Variants in PPIL6 observed in about 807,000 individuals in gnomAD.
PPIL6 encodes the protein peptidylprolyl isomerase like 6.
PPIL6 carries 39 observed loss-of-function variants against 36.8 expected under a neutral mutation model. That is an observed-to-expected ratio of 1.06 (90% CI 0.82 to 1.38). The LOEUF (loss-of-function observed/expected upper bound fraction) is 1.38, where lower values mean the gene tolerates loss of function less well. Among genes scored for constraint, PPIL6 ranks in the 40% most tolerant of loss-of-function variants. The probability of loss-of-function intolerance (pLI) is 0.00; values close to 1 mark genes in which losing one functional copy is unlikely to be tolerated. For synonymous variants in PPIL6, 123 were observed against 134.1 expected, an observed-to-expected ratio of 0.92 and a Z score of 0.57; for missense variants, 368 against 379.1, an observed-to-expected ratio of 0.97 and a Z score of 0.24.
At chr6:109,431,066 T>C in intron 3 of PPIL6, 91 bp downstream of exon 3, 1 of 905,628 alleles carries the variant, frequency 1.1e-6, no homozygotes, top group Non-Finnish European at 1.7e-6. Context: ...TTTTTTATAA[T>C]CTCCTTCATT....
chr6:109,430,618 C>G (rs528258913), intron 3 of PPIL6, among the ~76,000 whole-genome samples: 1 of 152,050 alleles, frequency 6.6e-6, no homozygotes, highest in Non-Finnish European at 1.5e-5. Context: ...GTAGAGATGA[C>G]GTTTCACCGT....
In PPIL6 at chr6:109,391,356, T is replaced by C. The variant is rs1772095292; in HGVS notation, c.*1470A>G. 7.6e-6 allele frequency: 1 copy of C among 130,736 alleles called. No homozygotes were observed. The highest frequency in any genetic ancestry group is 2.5e-4 in the South Asian group (1 of 4,036). The allele number at this position is 130,736 out of a possible 1,614,324, so 8.1% of individuals were successfully genotyped here. On this transcript the variant is annotated 3_prime_UTR_variant, in exon 8 of 8. Transcript: ENST00000521072. Reference sequence around the variant, plus strand: ...GTCTGGGCAGAGCAGGGGCACAGGGTAGTGGTGGTAACAGGAGCTGAGCAA... The same window carrying C: ...GTCTGGGCAGAGCAGGGGCACAGGGCAGTGGTGGTAACAGGAGCTGAGCAA...
rs527468236 is a variant in PPIL6 at position 109,422,056 on chromosome 6, T to C, written c.632-2813A>G. Among the ~76,000 whole-genome samples, 16 of 152,106 alleles carry C rather than the reference T, an allele frequency of 1.1e-4. 1 individual carries two copies. In the South Asian group the frequency reaches 3.3e-3, roughly 32 times the overall value. On this transcript the variant is annotated intron_variant, in intron 5 of 7. Transcript: ENST00000521072. ...CACGCCCAGCTAATTTTTGTATTTTTAGTAGAGAGGGGGGTTTCACCATAT... is the reference window on the plus strand; with the variant it reads ...CACGCCCAGCTAATTTTTGTATTTTCAGTAGAGAGGGGGGTTTCACCATAT...
chr6:109,438,298 C>T (rs1774564982), intron 1 of PPIL6, among the ~76,000 whole-genome samples: 1 of 151,850 alleles, frequency 6.6e-6, no homozygotes, highest in Admixed American at 6.6e-5. Flanking sequence ...GAACTAGAGG[C>T]TGGGCATCAC....
chr6:109,392,775 G>T lies in PPIL6; in HGVS notation c.*51C>A. 9.3e-7 allele frequency: 1 copy of T among 1,078,436 alleles called. No individual in the cohort carries two copies. Among genetic ancestry groups the T allele is most frequent in the Non-Finnish European group, 1.4e-6 (1 of 725,648 alleles). The allele number at this position is 1,078,436 out of a possible 1,614,324, so 66.8% of individuals were successfully genotyped here. ...TACTTTTTAATTAAATCCACAAACA[G>T]CTGATCAGATACAAAGTAATAAATT... is the stretch of plus-strand genomic sequence containing the variant. On this transcript the variant is annotated 3_prime_UTR_variant, in exon 8 of 8. Coordinates refer to ENST00000521072, the MANE Select transcript of PPIL6 (RefSeq NM_173672.5).
At chr6:109,417,050 G>C (rs1452429418) in intron 6 of PPIL6, among the ~76,000 whole-genome samples, 1 of 151,648 alleles carries the variant, frequency 6.6e-6, no homozygotes, top group Admixed American at 6.6e-5. Flanking sequence ...TGCACCTGTA[G>C]TCCTAGTTAC....
At chr6:109,401,815 C>T (rs1019998868) in intron 6 of PPIL6, among the ~76,000 whole-genome samples, 7 of 36,930 alleles carry the variant, frequency 1.9e-4, no homozygotes, top group Admixed American at 9.0e-4. Flanking sequence ...AGCTGCGCCT[C>T]GGGTTCATGC....
At chr6:109,441,053 C>T (rs978619621), upstream of PPIL6, 3 of 1,530,000 alleles carry the variant, frequency 2.0e-6, no homozygotes, top group Admixed American at 3.4e-5. Flanking sequence ...CGCCGCCGGC[C>T]GCCCCCGTCC....
intron 6 of PPIL6, chr6:109,402,948 T>TAC: frequency 1.1e-6 from 1 of 875,584 alleles, no homozygotes; most frequent in Non-Finnish European, 1.7e-6. Flanking sequence ...TTTGCAGACA[T>TAC]AAAGTATTAC....
At position 109,391,599 on chromosome 6, in the gene PPIL6, G is replaced by A. The variant is rs1015939747; in HGVS notation, c.*1227C>T. The A allele has an allele frequency of 6.6e-6, 1 of 152,166 alleles. No homozygotes were observed. The highest frequency in any genetic ancestry group is 2.4e-5 in the African/African-American group (1 of 41,404). 9.4% of individuals were successfully genotyped at this position (152,166 alleles called of 1,614,324 possible). ...ACACAGAATCTCTGCCCCACGCCTG[G>A]GAACTCTGCCTCAGTAGGTCAAGGA... On this transcript the variant is annotated 3_prime_UTR_variant, in exon 8 of 8. Transcript: ENST00000521072.
At chr6:109,435,680 T>G (rs554661436) in intron 2 of PPIL6, among the ~76,000 whole-genome samples, 208 of 152,136 alleles carry the variant, frequency 1.4e-3, no homozygotes, top group Non-Finnish European at 2.7e-3. Flanking sequence ...ATCCCAGCAC[T>G]TTGGGAGGCC....
intron 7 of PPIL6, among the ~76,000 whole-genome samples, chr6:109,398,085 T>C (rs1772374774): frequency 6.6e-6 from 1 of 151,990 alleles, no homozygotes; most frequent in South Asian, 2.1e-4. Flanking sequence ...AGAGATGGGG[T>C]TTCACCATGT....
chr6:109,440,289 T>A (rs1308861807), intron 1 of PPIL6, 167 bp downstream of exon 1: 1 of 856,742 alleles, frequency 1.2e-6, no homozygotes, highest in South Asian at 1.4e-5. Flanking sequence ...TATACTCTCC[T>A]CCCGGTCCTC....
chr6:109,440,502 CCCA>C lies in PPIL6; in HGVS notation c.86_88del (p.Val29del). The C allele has an allele frequency of 6.5e-7, 1 of 1,534,062 alleles. No individual in the cohort carries two copies. The highest frequency in any genetic ancestry group is 8.8e-7 in the Non-Finnish European group (1 of 1,140,442). On this transcript the variant is annotated inframe_deletion, in exon 1 of 8. Transcript: ENST00000521072. ...CTGAAAGTTGGGGCAGCTGAAGAGC[CCCA>C]CCACCTTCACCTGCAGCGGCCGCTC...
At chr6:109,434,980 AG>A (rs1774366086) in intron 2 of PPIL6, among the ~76,000 whole-genome samples, 1 of 152,096 alleles carries the variant, frequency 6.6e-6, no homozygotes, top group Non-Finnish European at 1.5e-5. Flanking sequence ...GTATAGATAG[AG>A]GGGAGAATGC....
Position 109,400,042 on chromosome 6 carries a change from C to G in PPIL6, c.817G>C (p.Ala273Pro), listed in dbSNP as rs956910378. The G allele has an allele frequency of 2.5e-6, 4 of 1,610,402 alleles. No individual in the cohort carries two copies. The highest frequency in any genetic ancestry group is 3.4e-6 in the Non-Finnish European group (4 of 1,177,642). Residue 273 changes from alanine to proline, a missense_variant, in exon 7 of 8, where the codon GCT (alanine) becomes CCT (proline). By Grantham distance (27) the Ala-to-Pro change is conservative. Coordinates refer to ENST00000521072, the MANE Select transcript of PPIL6 (RefSeq NM_173672.5). ...GATCTACAATATACATACCCAAAAG[C>G]CACAAATTTTCTATCTAGATAAGGA... ...ATPYLDRKFV[A>P]FGQLIEGTEV...
chr6:109,416,296 G>A (rs1451293009), intron 6 of PPIL6, among the ~76,000 whole-genome samples: 5 of 144,132 alleles, frequency 3.5e-5, no homozygotes, highest in South Asian at 2.3e-4. Context: ...TCTGCCTCCC[G>A]AGTTCAAGTG....
Position 109,429,245 on chromosome 6 carries a change from C to T in PPIL6, c.420+1912G>A, listed in dbSNP as rs372349549. Among the ~76,000 whole-genome samples, 7 of 152,316 alleles carry T rather than the reference C, an allele frequency of 4.6e-5. No homozygotes were observed. The East Asian group carries it at 1.3e-3, about 29-fold the overall frequency. ...TGTCCAGCCCATGCTGCTATCCAATCCCCTGCTCCCAAGCTCTCCCCTACT... is the reference window on the plus strand; with the variant it reads ...TGTCCAGCCCATGCTGCTATCCAATTCCCTGCTCCCAAGCTCTCCCCTACT... On this transcript the variant is annotated intron_variant, in intron 3 of 7. Transcript: ENST00000521072.
intron 1 of PPIL6, among the ~76,000 whole-genome samples, chr6:109,439,071 G>A (rs1369176144): frequency 6.6e-6 from 1 of 152,022 alleles, no homozygotes; most frequent in Non-Finnish European, 1.5e-5. Context: ...TGCCAAGAAG[G>A]CCTAACATAT....
Sources: allele counts gnomAD v4.1 joint callset (sites outside exome capture counted in the v4.1 genomes callset), GRCh38; gene constraint gnomAD v4.1.1; transcripts MANE v1.5; gene names NCBI Gene and HGNC (gene_info 2026-07-23, HGNC 2026-07-21).